GFOD2: variants seen among roughly 807,000 people sequenced by gnomAD.
The protein encoded by GFOD2 is glucose-fructose oxidoreductase domain-containing protein 2.
In GFOD2, 9 loss-of-function variants were observed where a neutral mutation model predicts 24.6. The observed-to-expected ratio is 0.37, with a 90% CI of 0.22 to 0.64. GFOD2 has a LOEUF of 0.64. Ranked by LOEUF, GFOD2 falls within the 30% of genes least tolerant of loss-of-function variation. GFOD2 has a pLI of 0.65. For missense variants in GFOD2, 476 were observed against 532.5 expected (o/e 0.89, Z 1.04); for synonymous variants, 211 against 224.8 (o/e 0.94, Z 0.55).
At chr16:67,680,964 T>C (rs1191735048) in intron 2 of GFOD2, 2 of 985,272 alleles carry the variant, frequency 2.0e-6, no homozygotes, top group African/African-American at 3.5e-5. Flanking sequence ...GTCACATACC[T>C]GGGATAGGGT....
At chr16:67,687,953 G>A (rs2142994326) in intron 1 of GFOD2, among the ~76,000 whole-genome samples, 1 of 152,290 alleles carries the variant, frequency 6.6e-6, no homozygotes, top group South Asian at 2.1e-4. Flanking sequence ...ACTCTAGCCT[G>A]GGCAATAGAG....
At chr16:67,714,318 A>G (rs1250653137) in intron 1 of GFOD2, among the ~76,000 whole-genome samples, 2 of 151,790 alleles carry the variant, frequency 1.3e-5, no homozygotes, top group Non-Finnish European at 2.9e-5. Context: ...ATCTCTACTA[A>G]AAATACAAAA....
At position 67,716,940 on chromosome 16, in the gene GFOD2, AG is replaced by A. The variant is rs1335394209; in HGVS notation, c.-88+2222del. Among the ~76,000 whole-genome samples, 9 of 152,328 alleles carry A rather than the reference AG, an allele frequency of 5.9e-5. No individual in the cohort carries two copies. In the East Asian group the frequency reaches 1.7e-3, roughly 29 times the overall value. ...TTGAAACAGAGTTTAGCTCTTGTCC[AG>A]GCTGGAGTGCAATGGCGCGATCTCG... On this transcript the variant is annotated intron_variant, in intron 1 of 2. Coordinates refer to ENST00000268797, the MANE Select transcript of GFOD2 (RefSeq NM_030819.4).
chr16:67,691,826 T>C (rs1421754619), intron 1 of GFOD2, among the ~76,000 whole-genome samples: 1 of 152,180 alleles, frequency 6.6e-6, no homozygotes, highest in Non-Finnish European at 1.5e-5. Context: ...GCCTACTCAC[T>C]GGTGTCACCA....
chr16:67,717,871 AAG>A (rs2053518204), intron 1 of GFOD2, among the ~76,000 whole-genome samples: 1 of 152,176 alleles, frequency 6.6e-6, no homozygotes, highest in African/African-American at 2.4e-5. Flanking sequence ...ACCAGGTGGT[AAG>A]AGATAACCTC....
Position 67,711,796 on chromosome 16 carries a change from C to A in GFOD2, c.-88+7367G>T, listed in dbSNP as rs892467333. 2.0e-5 allele frequency among the ~76,000 whole-genome samples: 3 copies of A among 152,174 alleles called. No homozygotes were observed. In the South Asian group the frequency reaches 6.2e-4, roughly 31 times the overall value. ...CCTTGAGTCTTCTTTTTCTCTCACA[C>A]TTCACATCTGATCCATTAACAAGTC... On this transcript the variant is annotated intron_variant, in intron 1 of 2. Coordinates refer to ENST00000268797, the MANE Select transcript of GFOD2 (RefSeq NM_030819.4).
chr16:67,707,470 T>G (rs1282976570), intron 1 of GFOD2, among the ~76,000 whole-genome samples: 1 of 151,972 alleles, frequency 6.6e-6, no homozygotes, highest in East Asian at 1.9e-4. Flanking sequence ...TTTGGAAAAT[T>G]GACAGTTTCT....
chr16:67,690,174 T>C (rs1231748628), intron 1 of GFOD2, among the ~76,000 whole-genome samples: 1 of 152,156 alleles, frequency 6.6e-6, no homozygotes, highest in East Asian at 1.9e-4. Context: ...CTTTCATTTG[T>C]TTGGGGCATA....
At position 67,705,219 on chromosome 16, in the gene GFOD2, CT is replaced by C. The variant is rs548880809; in HGVS notation, c.-88+13943del. On this transcript the variant is annotated intron_variant, in intron 1 of 2. Transcript: ENST00000268797. ...TGATCACCTGCCAGTTTTTTCTTTT[CT>C]TTTTTTAGACACAATCCCACTTTGT... is the stretch of plus-strand genomic sequence containing the variant. Among the ~76,000 whole-genome samples the C allele has an allele frequency of 1.0e-3, 157 of 152,150 alleles. 1 individual carries two copies. The highest frequency in any genetic ancestry group is 1.7e-3 in the Non-Finnish European group (116 of 67,974).
chr16:67,691,913 G>A (rs1390819361), intron 1 of GFOD2, among the ~76,000 whole-genome samples: 2 of 152,130 alleles, frequency 1.3e-5, no homozygotes, highest in African/African-American at 2.4e-5. Context: ...ATCCTCACGT[G>A]CTACTGATAG....
intron 1 of GFOD2, among the ~76,000 whole-genome samples, chr16:67,717,549 G>C (rs2053515853): frequency 6.6e-6 from 1 of 152,172 alleles, no homozygotes; most frequent in Non-Finnish European, 1.5e-5. Flanking sequence ...CCAGCACTTT[G>C]GGAGGCCAAG....
intron 1 of GFOD2, among the ~76,000 whole-genome samples, chr16:67,697,647 A>G (rs1399755064): frequency 1.3e-5 from 2 of 152,174 alleles, no homozygotes; most frequent in Non-Finnish European, 2.9e-5. Flanking sequence ...AAAAACAAGA[A>G]AGAAAAAGAG....
Position 67,675,088 on chromosome 16 carries a change from T to C in GFOD2, c.*67A>G. ...ACTGTCTCTGCTAGGGCCAAGTCCC[T>C]GTCATGTCTGGCTCCTGTTCCCCTC... On this transcript the variant is annotated 3_prime_UTR_variant, in exon 3 of 3. Coordinates refer to ENST00000268797, the MANE Select transcript of GFOD2 (RefSeq NM_030819.4). 1 of 1,506,276 alleles carries C rather than the reference T, an allele frequency of 6.6e-7. No homozygotes were observed. The highest frequency in any genetic ancestry group is 9.0e-7 in the Non-Finnish European group (1 of 1,111,700). The allele number at this position is 1,506,276 out of a possible 1,614,324, so 93.3% of individuals were successfully genotyped here.
chr16:67,716,776 T>C (rs1263738493), intron 1 of GFOD2, among the ~76,000 whole-genome samples: 1 of 152,238 alleles, frequency 6.6e-6, no homozygotes, highest in Non-Finnish European at 1.5e-5. Flanking sequence ...TGCCCCATTA[T>C]AACTCCTGAG....
At chr16:67,698,922 T>G (rs892424401) in intron 1 of GFOD2, among the ~76,000 whole-genome samples, 1 of 152,142 alleles carries the variant, frequency 6.6e-6, no homozygotes, top group Non-Finnish European at 1.5e-5. Flanking sequence ...CAGTTATCAC[T>G]AGGATTTGGG....
intron 1 of GFOD2, among the ~76,000 whole-genome samples, chr16:67,708,463 C>A (rs2053452776): frequency 1.3e-5 from 2 of 152,162 alleles, no homozygotes; most frequent in South Asian, 4.1e-4. Context: ...GTGTGTCACA[C>A]TGGGTGAGTG....
intron 1 of GFOD2, among the ~76,000 whole-genome samples, chr16:67,711,986 T>A (rs975740254): frequency 1.8e-4 from 27 of 152,254 alleles, no homozygotes; most frequent in African/African-American, 6.5e-4. Flanking sequence ...CTCCCCACCA[T>A]CCCTGCTAGA....
rs1220852711 is a variant in GFOD2 at position 67,683,773 on chromosome 16, C to T, written c.259+1684G>A. ...AGTAGCAGACCCTGAGGTTTGCCAC[C>T]ATGGCAGTGGTCAGGAAGAGTGGAG... is the stretch of plus-strand genomic sequence containing the variant. On this transcript the variant is annotated intron_variant, in intron 2 of 2. Transcript: ENST00000268797. 4.1e-6 allele frequency: 5 copies of T among 1,226,686 alleles called. No individual in the cohort carries two copies. In the East Asian group the frequency reaches 1.6e-4, roughly 39 times the overall value. The allele number at this position is 1,226,686 out of a possible 1,614,324, so 76.0% of individuals were successfully genotyped here.
intron 2 of GFOD2, chr16:67,681,340 AAAC>A: frequency 2.0e-6 from 2 of 985,414 alleles, no homozygotes; most frequent in Non-Finnish European, 1.2e-6. Flanking sequence ...GGTGGTGATA[AAAC>A]TAGGATAAGG....
Sources: gnomAD v4.1 joint callset for allele counts (sites outside exome capture counted in the v4.1 genomes callset) on GRCh38, gnomAD v4.1.1 for gene constraint, MANE v1.5 for transcripts, NCBI Gene and HGNC (gene_info 2026-07-23, HGNC 2026-07-21) for gene names.